LRRIQ3: variants seen among roughly 807,000 people sequenced by gnomAD.
LRRIQ3 encodes the protein leucine-rich repeat and IQ domain-containing protein 3.
A neutral mutation model predicts 59.3 loss-of-function variants in LRRIQ3; 75 were observed. The observed-to-expected ratio is 1.26, with a 90% CI of 1.05 to 1.53. The LOEUF is 1.53. Among genes scored for constraint, LRRIQ3 ranks in the 40% most tolerant of loss-of-function variants. The pLI is 0.00. For missense variants in LRRIQ3, 831 were observed against 710.0 expected (o/e 1.17, Z -1.94); for synonymous variants, 250 against 231.3 (o/e 1.08, Z -0.73).
rs17094754 is a variant in LRRIQ3 at position 74,026,562 on chromosome 1, C to A, written c.*251G>T. The A allele has an allele frequency of 0.01, 3,202 of 310,230 alleles. 86 individuals carry two copies. Among genetic ancestry groups the A allele is most frequent in the African/African-American group, 0.065 (2,964 of 45,500 alleles). The allele number at this position is 310,230 out of a possible 1,614,324, so 19.2% of individuals were successfully genotyped here. ...TGTCATTGCAACATTGTCTGCAATA[C>A]ATTAAATCAGTTTAATTGTTCCTTA... On this transcript the variant is annotated 3_prime_UTR_variant, in exon 8 of 8. Coordinates refer to ENST00000354431, the MANE Select transcript of LRRIQ3 (RefSeq NM_001105659.2).
chr1:74,076,348 A>G (rs1245599939), intron 5 of LRRIQ3, among the ~76,000 whole-genome samples: 1 of 152,110 alleles, frequency 6.6e-6, no homozygotes, highest in Non-Finnish European at 1.5e-5. Flanking sequence ...CTTTATGGAT[A>G]TTAACTCATT....
intron 6 of LRRIQ3, among the ~76,000 whole-genome samples, chr1:74,060,327 CTCT>C (rs1355331319): frequency 6.7e-6 from 1 of 149,108 alleles, no homozygotes; most frequent in Non-Finnish European, 1.5e-5. Flanking sequence ...CCTCCTCCTC[CTCT>C]TCCACCTCCT....
At chr1:74,186,453 C>G (rs1362528567) in intron 1 of LRRIQ3, among the ~76,000 whole-genome samples, 1 of 152,082 alleles carries the variant, frequency 6.6e-6, no homozygotes, top group Non-Finnish European at 1.5e-5. Context: ...CAAATTTTAG[C>G]TATTAGATGA....
chr1:74,035,185 C>G (rs535306555), intron 7 of LRRIQ3, among the ~76,000 whole-genome samples: 1 of 151,984 alleles, frequency 6.6e-6, no homozygotes, highest in Admixed American at 6.6e-5. Context: ...AGCTAAGTTA[C>G]GTTTGATTAT....
intron 6 of LRRIQ3, among the ~76,000 whole-genome samples, chr1:74,071,342 C>T (rs1655023708): frequency 6.6e-6 from 1 of 151,974 alleles, no homozygotes; most frequent in African/African-American, 2.4e-5. Context: ...AGGATTGCTT[C>T]TGTTAAATAA....
At chr1:74,055,860 A>G (rs1328098417) in intron 6 of LRRIQ3, among the ~76,000 whole-genome samples, 1 of 152,072 alleles carries the variant, frequency 6.6e-6, no homozygotes, top group Non-Finnish European at 1.5e-5. Context: ...AAAATTGAAT[A>G]AAGTCCTGGC....
At chr1:74,137,946 G>A (rs1647153013) in intron 4 of LRRIQ3, among the ~76,000 whole-genome samples, 2 of 150,992 alleles carry the variant, frequency 1.3e-5, no homozygotes, top group Admixed American at 1.3e-4. Context: ...CTGTCAGGGG[G>A]TGGGAGGGTA....
intron 3 of LRRIQ3, among the ~76,000 whole-genome samples, chr1:74,170,677 A>C (rs1290753637): frequency 6.6e-6 from 1 of 152,052 alleles, no homozygotes; most frequent in Non-Finnish European, 1.5e-5. Context: ...TTGTGGTGCC[A>C]TATTAATTTT....
chr1:74,183,124 G>A (rs1650106371), intron 2 of LRRIQ3: 3 of 321,052 alleles, frequency 9.3e-6, no homozygotes, highest in South Asian at 1.6e-4. Flanking sequence ...TTTGTAATAG[G>A]TTGACTCTTT....
intron 4 of LRRIQ3, among the ~76,000 whole-genome samples, chr1:74,154,780 T>C (rs1648221648): frequency 6.6e-6 from 1 of 152,200 alleles, no homozygotes; most frequent in Non-Finnish European, 1.5e-5. Flanking sequence ...TGCACCTCCT[T>C]TACTCAGGTA....
rs368546494 is a variant in LRRIQ3 at position 74,109,279 on chromosome 1, A to C, written c.867+115T>G. 419 of 767,030 alleles carry C rather than the reference A, an allele frequency of 5.5e-4. 1 individual carries two copies. The highest frequency in any genetic ancestry group is 1.3e-3 in the Middle Eastern group (5 of 3,836). The allele number at this position is 767,030 out of a possible 1,614,324, so 47.5% of individuals were successfully genotyped here. A position where few individuals can be genotyped will look rare whatever the true frequency, so the allele number is the denominator to read the frequency against. On this transcript the variant is annotated intron_variant, in intron 5 of 7. Transcript: ENST00000354431. ...ATCAAAAAATATAAAGCAGGATATTAACAATGTAATGAAGGACATTTAATA... is the reference window on the plus strand; with the variant it reads ...ATCAAAAAATATAAAGCAGGATATTCACAATGTAATGAAGGACATTTAATA...
chr1:74,182,494 T>C, intron 3 of LRRIQ3, 44 bp downstream of exon 3: 1 of 1,310,260 alleles, frequency 7.6e-7, no homozygotes, highest in South Asian at 2.1e-5. Flanking sequence ...AAAATTTCCC[T>C]TTTATACATT....
At chr1:74,142,612 AT>A (rs1417565611) in intron 4 of LRRIQ3, among the ~76,000 whole-genome samples, 1 of 152,054 alleles carries the variant, frequency 6.6e-6, no homozygotes, top group Non-Finnish European at 1.5e-5. Flanking sequence ...ATTATATACA[AT>A]TTCACATGAA....
At chr1:74,125,866 T>C (rs372373788) in intron 4 of LRRIQ3, among the ~76,000 whole-genome samples, 1 of 152,028 alleles carries the variant, frequency 6.6e-6, no homozygotes, top group African/African-American at 2.4e-5. Flanking sequence ...ACTGGCCTTG[T>C]AGAATGAGAT....
chr1:74,151,011 CTTTT>C (rs59890149), intron 4 of LRRIQ3, among the ~76,000 whole-genome samples: 3 of 63,412 alleles, frequency 4.7e-5, no homozygotes, highest in African/African-American at 1.1e-4. Flanking sequence ...ATGATGCTTT[CTTTT>C]TTTTTTTTTT....
intron 4 of LRRIQ3, among the ~76,000 whole-genome samples, chr1:74,142,961 A>G (rs1647326048): frequency 6.6e-6 from 1 of 152,044 alleles, no homozygotes; most frequent in Admixed American, 6.6e-5. Context: ...GTAGAAGCCC[A>G]TTCATTTTGA....
intron 4 of LRRIQ3, among the ~76,000 whole-genome samples, chr1:74,132,292 T>C (rs1384803486): frequency 6.6e-6 from 1 of 152,134 alleles, no homozygotes; most frequent in Non-Finnish European, 1.5e-5. Flanking sequence ...AAAATGGCCA[T>C]ATTGCCCAAG....
intron 5 of LRRIQ3, among the ~76,000 whole-genome samples, chr1:74,104,915 G>A (rs1646587872): frequency 6.6e-6 from 1 of 151,858 alleles, no homozygotes; most frequent in South Asian, 2.1e-4. Context: ...GAAACTCTCT[G>A]TACTTCCCAC....
intron 6 of LRRIQ3, among the ~76,000 whole-genome samples, chr1:74,048,960 T>A (rs1345500788): frequency 6.6e-6 from 1 of 152,122 alleles, no homozygotes; most frequent in Non-Finnish European, 1.5e-5. Flanking sequence ...TAGAAATAAA[T>A]GCTCTGATAA....
Sources: allele counts gnomAD v4.1 joint callset (sites outside exome capture counted in the v4.1 genomes callset), GRCh38; gene constraint gnomAD v4.1.1; transcripts MANE v1.5; gene names NCBI Gene and HGNC (gene_info 2026-07-23, HGNC 2026-07-21).